The following PRKACA variants were observed in gnomAD, a reference collection of about 807,000 sequenced individuals.
The protein encoded by PRKACA is protein kinase cAMP-activated catalytic subunit alpha, also known as cAMP-dependent protein kinase catalytic subunit alpha.
In PRKACA, 9 loss-of-function variants were observed where a neutral mutation model predicts 45.8. The observed-to-expected ratio is 0.20, with a 90% CI of 0.12 to 0.34. The LOEUF is 0.34. PRKACA is among the 10% of genes least tolerant of loss of function. The pLI, the probability that PRKACA is intolerant of heterozygous loss-of-function variation, is 1.00. For missense variants in PRKACA, 238 were observed against 458.6 expected (o/e 0.52, Z 4.39); for synonymous variants, 160 against 178.6 (o/e 0.90, Z 0.83).
At chr19:14,106,681 G>T in intron 3 of PRKACA, 79 bp downstream of exon 3, 8 of 1,578,366 alleles carry the variant, frequency 5.1e-6, no homozygotes, top group Middle Eastern at 1.7e-4. Context: ...TGAACGGGTG[G>T]ATAGGGCACT....
chr19:14,097,409 G>A lies in PRKACA; in HGVS notation c.717C>T (p.Phe239=), dbSNP rs752866900. The change falls in exon 8 of 10, where the codon TTC becomes TTT. Residue 239 remains phenylalanine (F), a synonymous_variant. Transcript: ENST00000308677. This position sits in a 1 kb window ranked among gnomAD's most constrained non-coding sequence, Gnocchi z 5.4. Reference sequence around the variant, plus strand: ...AGATCTGGATGGGCTGGTCTGCGAAGAAGGGCGGGTAGCCAGCGGCCATTT... The same window carrying A: ...AGATCTGGATGGGCTGGTCTGCGAAAAAGGGCGGGTAGCCAGCGGCCATTT... ...IYEMAAGYPP[F]FADQPIQIYE... is the part of the protein sequence containing the mutation. 22 of 1,614,036 alleles carry A rather than the reference G, an allele frequency of 1.4e-5. 2 individuals are homozygous for A. In the South Asian group the frequency reaches 2.4e-4, roughly 18 times the overall value.
intron 8 of PRKACA, chr19:14,096,265 C>G (rs1038590107): frequency 1.3e-5 from 2 of 151,318 alleles, no homozygotes; most frequent in Admixed American, 6.6e-5. Context: ...AGGCTGGTCT[C>G]GAACTCCCGA....
intron 1 of PRKACA, chr19:14,114,273 C>T: frequency 7.0e-7 from 1 of 1,422,844 alleles, no homozygotes. Context: ...GCTAGGGAGC[C>T]GTGGGGTGGG....
intron 1 of PRKACA, among the ~76,000 whole-genome samples, chr19:14,109,232 C>A (rs1599347853): frequency 6.6e-6 from 1 of 151,898 alleles, no homozygotes; most frequent in East Asian, 2.0e-4. Flanking sequence ...CCTATAATCC[C>A]AGCACTTTGG....
In PRKACA at chr19:14,093,130, C is replaced by A; in HGVS notation, c.1038G>T (p.Lys346Asn). Reference protein sequence around the residue: ...IRVSINEKCGKEFSEF With the variant: ...IRVSINEKCGNEFSEF ...CATGCCCCTAAAACTCAGAAAACTC[C>A]TTGCCACACTTCTCATTGATGGAGA... Residue 346 changes from lysine to asparagine, a missense_variant, in exon 10 of 10, where the codon AAG (lysine) becomes AAT (asparagine). Lys to Asn is a moderately conservative substitution (Grantham distance 94). Transcript: ENST00000308677. The A allele has an allele frequency of 6.3e-7, 1 of 1,590,880 alleles. No individual in the cohort carries two copies. The highest frequency in any genetic ancestry group is 8.6e-7 in the Non-Finnish European group (1 of 1,166,164).
At chr19:14,106,720 G>C (rs746270651) in intron 3 of PRKACA, 40 bp downstream of exon 3, 2 of 1,612,962 alleles carry the variant, frequency 1.2e-6, no homozygotes, top group South Asian at 2.2e-5. Context: ...CCAGGCAAAG[G>C]CCTGACAGGC....
At chr19:14,114,250 G>A (rs1967058529) in intron 1 of PRKACA, 3 of 1,523,356 alleles carry the variant, frequency 2.0e-6, no homozygotes, top group East Asian at 2.4e-5. Flanking sequence ...CCAGAACCCT[G>A]CCTGCAGGGG....
In PRKACA at chr19:14,092,790, G is replaced by A. The variant is rs1977119896; in HGVS notation, c.*322C>T. On this transcript the variant is annotated 3_prime_UTR_variant, in exon 10 of 10. Transcript: ENST00000308677. ...TCCCTGGATACACCAGCAAGACCTG[G>A]TCTGACTGGAGTTGAGAAACTCGTT... is the stretch of plus-strand genomic sequence containing the variant. 1 of 453,720 alleles carries A rather than the reference G, an allele frequency of 2.2e-6. No homozygotes were observed. Among genetic ancestry groups the A allele is most frequent in the African/African-American group, 2.0e-5 (1 of 50,960 alleles). The allele number at this position is 453,720 out of a possible 1,614,324, so 28.1% of individuals were successfully genotyped here. A position where few individuals can be genotyped will look rare whatever the true frequency, so the allele number is the denominator to read the frequency against.
chr19:14,104,557 G>A (rs537242892), intron 3 of PRKACA, among the ~76,000 whole-genome samples: 28 of 151,660 alleles, frequency 1.8e-4, no homozygotes, highest in Admixed American at 9.9e-4. Context: ...TTAGCCAGGC[G>A]TGGTGGTGGG....
intron 8 of PRKACA, chr19:14,096,357 T>A (rs1168413030): frequency 6.6e-6 from 1 of 151,904 alleles, no homozygotes; most frequent in African/African-American, 2.4e-5. Flanking sequence ...GTTTGTTTTT[T>A]TTTTTTTTTT....
At position 14,092,115 on chromosome 19, in the gene PRKACA, G is replaced by A. The variant is rs1977093216; in HGVS notation, c.*997C>T. The A allele has an allele frequency of 6.6e-6, 1 of 152,324 alleles. No homozygotes were observed. The highest frequency in any genetic ancestry group is 1.5e-5 in the Non-Finnish European group (1 of 68,132). The allele number at this position is 152,324 out of a possible 1,614,324, so 9.4% of individuals were successfully genotyped here. A position where few individuals can be genotyped will look rare whatever the true frequency, so the allele number is the denominator to read the frequency against. Reference sequence around the variant, plus strand: ...TGGCCTCTTCTGTTCCCTTTTGCAGGGATGCCCTCCCCACTCAGCTGAGGG... The same window carrying A: ...TGGCCTCTTCTGTTCCCTTTTGCAGAGATGCCCTCCCCACTCAGCTGAGGG... On this transcript the variant is annotated 3_prime_UTR_variant, in exon 10 of 10. Transcript: ENST00000308677.
chr19:14,095,873 AT>A (rs1977233080), intron 8 of PRKACA, among the ~76,000 whole-genome samples: 1 of 150,976 alleles, frequency 6.6e-6, no homozygotes, highest in South Asian at 2.1e-4. Flanking sequence ...ACTTGCCTGA[AT>A]TTTTTTAAAA....
At position 14,093,045 on chromosome 19, in the gene PRKACA, C is replaced by G. The variant is rs1977130602; in HGVS notation, c.*67G>C. On this transcript the variant is annotated 3_prime_UTR_variant, in exon 10 of 10. Coordinates refer to ENST00000308677, the MANE Select transcript of PRKACA (RefSeq NM_002730.4). ...GGCCCTCTGGCTGTTCAATCCAACC[C>G]TCCCACCCCCCCGACCAAAAAAAAG... 9 of 427,132 alleles carry G rather than the reference C, an allele frequency of 2.1e-5. No homozygotes were observed. The highest frequency in any genetic ancestry group is 3.8e-5 in the Non-Finnish European group (9 of 239,980). The allele number at this position is 427,132 out of a possible 1,614,324, so 26.5% of individuals were successfully genotyped here.
chr19:14,107,648 C>T (rs1338200677), intron 1 of PRKACA: 16 of 1,322,486 alleles, frequency 1.2e-5, no homozygotes, highest in Admixed American at 3.5e-5. Context: ...AGGGGTCACT[C>T]GCAGGGGAAC....
chr19:14,106,957 C>CG (rs1977629429), intron 2 of PRKACA, 69 bp from the exon 3 acceptor site: 5 of 1,580,890 alleles, frequency 3.2e-6, no homozygotes, highest in East Asian at 2.3e-5. Flanking sequence ...AGGTCTGGGG[C>CG]ATCCCCTCTG....
At chr19:14,116,969 G>C (rs41301236) in intron 1 of PRKACA, among the ~76,000 whole-genome samples, 1 of 150,988 alleles carries the variant, frequency 6.6e-6, no homozygotes, top group African/African-American at 2.4e-5. Context: ...TGGAAGGGGG[G>C]GCTGTGCTAA....
intron 9 of PRKACA, 123 bp downstream of exon 9, chr19:14,093,505 C>G: frequency 7.6e-7 from 1 of 1,320,476 alleles, no homozygotes; most frequent in Non-Finnish European, 1.0e-6. Flanking sequence ...CCCCACTGCT[C>G]TAAGCTCTCT....
At chr19:14,095,096 G>T (rs571864974) in intron 8 of PRKACA, among the ~76,000 whole-genome samples, 1 of 152,278 alleles carries the variant, frequency 6.6e-6, no homozygotes, top group Non-Finnish European at 1.5e-5. Context: ...AGGGAGTCAT[G>T]TGCATCTTCT....
At chr19:14,113,944 G>A (rs1241602799) in intron 1 of PRKACA, among the ~76,000 whole-genome samples, 1 of 152,096 alleles carries the variant, frequency 6.6e-6, no homozygotes, top group African/African-American at 2.4e-5. Context: ...TGTCTGAACT[G>A]GGCCACCGAT....
Sources: allele counts gnomAD v4.1 joint callset (sites outside exome capture counted in the v4.1 genomes callset), GRCh38; gene constraint gnomAD v4.1.1; non-coding constraint Gnocchi (gnomAD v3.1); transcripts MANE v1.5; gene names NCBI Gene and HGNC (gene_info 2026-07-23, HGNC 2026-07-21).